The following PPP2R5E variants were observed in gnomAD, a reference collection of about 807,000 sequenced individuals.
The protein encoded by PPP2R5E is protein phosphatase 2 regulatory subunit B'epsilon.
Under a neutral mutation model 65.3 loss-of-function variants are expected in PPP2R5E, and 4 were observed. The observed-to-expected ratio is 0.06, with a 90% CI of 0.03 to 0.14. The LOEUF is 0.14. Among genes scored for constraint, PPP2R5E ranks in the 10% least tolerant of loss-of-function variants. PPP2R5E has a pLI of 1.00. For synonymous variants in PPP2R5E, 183 were observed against 187.4 expected, an observed-to-expected ratio of 0.98 and a Z score of 0.19; for missense variants, 274 against 556.1, an observed-to-expected ratio of 0.49 and a Z score of 5.10.
At chr14:63,449,410 C>G (rs1300121703) in intron 3 of PPP2R5E, among the ~76,000 whole-genome samples, 1 of 152,132 alleles carries the variant, frequency 6.6e-6, no homozygotes, top group Non-Finnish European at 1.5e-5. Context: ...TGAATACTTG[C>G]CACATGTTAG....
At chr14:63,379,356 C>T (rs1166420190) in intron 13 of PPP2R5E, among the ~76,000 whole-genome samples, 2 of 152,218 alleles carry the variant, frequency 1.3e-5, no homozygotes, top group African/African-American at 4.8e-5. Flanking sequence ...ATGGCAACCT[C>T]CCCTTCCCGG....
At chr14:63,447,157 C>A (rs1217833733) in intron 3 of PPP2R5E, among the ~76,000 whole-genome samples, 1 of 152,198 alleles carries the variant, frequency 6.6e-6, no homozygotes, top group Non-Finnish European at 1.5e-5. Context: ...GGCATTAGTT[C>A]CTAACAAGAG....
In PPP2R5E at chr14:63,372,622, C is replaced by T. The variant is rs1485106668; in HGVS notation, c.*3387G>A. 3 of 152,110 alleles carry T rather than the reference C, an allele frequency of 2.0e-5. No homozygotes were observed. The highest frequency in any genetic ancestry group is 1.3e-4 in the Admixed American group (2 of 15,262). 9.4% of individuals were successfully genotyped at this position (152,110 alleles called of 1,614,324 possible). A position where few individuals can be genotyped will look rare whatever the true frequency, so the allele number is the denominator to read the frequency against. On this transcript the variant is annotated 3_prime_UTR_variant, in exon 14 of 14. Coordinates refer to ENST00000337537, the MANE Select transcript of PPP2R5E (RefSeq NM_006246.5). Reference sequence around the variant, plus strand: ...AAAAAACTCTAAACACTTAAAAATGCCAATAACATCCATACATCCCTTTCC... The same window carrying T: ...AAAAAACTCTAAACACTTAAAAATGTCAATAACATCCATACATCCCTTTCC...
At chr14:63,503,349 A>G (rs1435225086) in intron 2 of PPP2R5E, among the ~76,000 whole-genome samples, 5 of 152,180 alleles carry the variant, frequency 3.3e-5, no homozygotes, top group Non-Finnish European at 5.9e-5. Flanking sequence ...GTGGAGTGAC[A>G]GGCAGGAACA....
rs185248027 is a variant in PPP2R5E at position 63,539,736 on chromosome 14, G to A, written c.-7-44C>T. On this transcript the variant is annotated intron_variant, in intron 1 of 13. Transcript: ENST00000337537. ...CATAAACCCATACATTCCCAAGGTGGAAGCATACATGTGAGTTATACAAAT... is the reference window on the plus strand; with the variant it reads ...CATAAACCCATACATTCCCAAGGTGAAAGCATACATGTGAGTTATACAAAT... 34 of 1,547,158 alleles carry A rather than the reference G, an allele frequency of 2.2e-5. 1 individual carries two copies. In the East Asian group the frequency reaches 2.5e-4, roughly 11 times the overall value.
intron 2 of PPP2R5E, among the ~76,000 whole-genome samples, chr14:63,480,172 T>A (rs1890622322): frequency 6.6e-6 from 1 of 152,074 alleles, no homozygotes; most frequent in South Asian, 2.1e-4. Flanking sequence ...AGAGTTGGGG[T>A]CTCGGCCAGG....
intron 10 of PPP2R5E, among the ~76,000 whole-genome samples, chr14:63,390,662 G>A (rs1429187619): frequency 2.0e-5 from 3 of 152,170 alleles, no homozygotes; most frequent in African/African-American, 7.2e-5. Context: ...AATAGAGTTT[G>A]GAGAATTGAA....
chr14:63,483,294 A>G (rs1890803318), intron 2 of PPP2R5E, among the ~76,000 whole-genome samples: 1 of 152,136 alleles, frequency 6.6e-6, no homozygotes, highest in Non-Finnish European at 1.5e-5. Flanking sequence ...TAAAGAAGAT[A>G]GATATTTGCC....
At chr14:63,542,558 A>G (rs1224174512) in intron 1 of PPP2R5E, among the ~76,000 whole-genome samples, 1 of 152,138 alleles carries the variant, frequency 6.6e-6, no homozygotes, top group Non-Finnish European at 1.5e-5. Flanking sequence ...GAAGGTGGAG[A>G]AAAAGGGGGG....
chr14:63,494,790 G>A (rs546272733), intron 2 of PPP2R5E, among the ~76,000 whole-genome samples: 2 of 152,132 alleles, frequency 1.3e-5, no homozygotes, highest in African/African-American at 4.8e-5. Flanking sequence ...CTAGCTACTT[G>A]GGAGGCTGAG....
chr14:63,399,725 T>C (rs1338689954), intron 5 of PPP2R5E, among the ~76,000 whole-genome samples: 1 of 152,198 alleles, frequency 6.6e-6, no homozygotes, highest in Non-Finnish European at 1.5e-5. Flanking sequence ...TTGGTTTGAA[T>C]GTTACTGAGT....
At chr14:63,422,451 G>A (rs1256296140) in intron 3 of PPP2R5E, among the ~76,000 whole-genome samples, 1 of 152,196 alleles carries the variant, frequency 6.6e-6, no homozygotes, top group Admixed American at 6.5e-5. Context: ...TGCTGGCCGG[G>A]CGCAGTGGCT....
chr14:63,484,601 G>T (rs1890891803), intron 2 of PPP2R5E, among the ~76,000 whole-genome samples: 2 of 152,010 alleles, frequency 1.3e-5, no homozygotes, highest in Admixed American at 1.3e-4. Context: ...ATAACTTTTG[G>T]AACCACAAGA....
chr14:63,396,454 T>A, intron 6 of PPP2R5E, 132 bp downstream of exon 6: 1 of 1,178,846 alleles, frequency 8.5e-7, no homozygotes, highest in Non-Finnish European at 1.2e-6. Context: ...GGAGAGTCAG[T>A]AGAATGAAGG....
chr14:63,475,480 A>C (rs1890363880), intron 2 of PPP2R5E, among the ~76,000 whole-genome samples: 1 of 152,258 alleles, frequency 6.6e-6, no homozygotes, highest in Non-Finnish European at 1.5e-5. Context: ...TAGTGATGAA[A>C]GTCTAAGGAA....
intron 2 of PPP2R5E, among the ~76,000 whole-genome samples, chr14:63,483,067 A>G (rs950877184): frequency 6.6e-6 from 1 of 152,170 alleles, no homozygotes; most frequent in African/African-American, 2.4e-5. Context: ...GACTTTGGGA[A>G]GCTGAGGCAG....
At position 63,484,378 on chromosome 14, in the gene PPP2R5E, C is replaced by CACACACACAT. The variant is rs981814797; in HGVS notation, c.158-30494_158-30493insATGTGTGTGT. On this transcript the variant is annotated intron_variant, in intron 2 of 13. Transcript: ENST00000337537. ...ACACACACACACACACACACACACA[C>CACACACACAT]ACACACACAAAGAATCGTATCAAGT... Among the ~76,000 whole-genome samples the CACACACACAT allele has an allele frequency of 4.8e-3, 724 of 151,626 alleles. 7 individuals are homozygous for CACACACACAT. Among genetic ancestry groups the CACACACACAT allele is most frequent in the African/African-American group, 0.017 (692 of 41,368 alleles).
chr14:63,527,191 AAT>A, intron 2 of PPP2R5E, among the ~76,000 whole-genome samples: 1 of 152,314 alleles, frequency 6.6e-6, no homozygotes, highest in Middle Eastern at 3.4e-3. Flanking sequence ...AAGTTTATCT[AAT>A]AATAATTTTA....
At chr14:63,401,062 G>A (rs1193031587) in intron 5 of PPP2R5E, among the ~76,000 whole-genome samples, 1 of 152,124 alleles carries the variant, frequency 6.6e-6, no homozygotes, top group Admixed American at 6.5e-5. Flanking sequence ...ATTGCCGAGT[G>A]CCTAACTTTA....
Sources: allele counts gnomAD v4.1 joint callset (sites outside exome capture counted in the v4.1 genomes callset), GRCh38; gene constraint gnomAD v4.1.1; transcripts MANE v1.5; gene names NCBI Gene and HGNC (gene_info 2026-07-23, HGNC 2026-07-21).